The following ANKS1A variants were observed in gnomAD, a reference collection of about 807,000 sequenced individuals.
ANKS1A encodes ankyrin repeat and sterile alpha motif domain containing 1A, also known as ankyrin repeat and SAM domain-containing protein 1A.
Under a neutral mutation model 120.3 loss-of-function variants are expected in ANKS1A, and 55 were observed. The ratio of observed to expected loss-of-function variants is 0.46; its 90% CI spans 0.37 to 0.57. The LOEUF is 0.57. Ranked by LOEUF, ANKS1A falls within the 20% of genes least tolerant of loss-of-function variation. ANKS1A has a pLI of 0.00. For synonymous variants in ANKS1A, 590 were observed against 604.7 expected (o/e 0.98, Z 0.36); for missense variants, 1,123 against 1,480.3 (o/e 0.76, Z 3.96).
At chr6:35,026,196 T>C (rs1774616412) in intron 11 of ANKS1A, among the ~76,000 whole-genome samples, 1 of 152,224 alleles carries the variant, frequency 6.6e-6, no homozygotes, top group African/African-American at 2.4e-5. Context: ...AAAGTATCAG[T>C]AGGATACAGA....
intron 11 of ANKS1A, among the ~76,000 whole-genome samples, chr6:35,026,362 G>A (rs1044883461): frequency 6.6e-6 from 1 of 152,234 alleles, no homozygotes; most frequent in Admixed American, 6.5e-5. Flanking sequence ...AATTTGTTGA[G>A]CACCTGCTCT....
chr6:35,091,116 TG>T lies in ANKS1A; in HGVS notation c.*2509del. ...AGTATTGTTGCTCATGGTGTGGCAA[TG>T]GACTGAACTGTAATGAAAATGTTAT... is the stretch of plus-strand genomic sequence containing the variant. On this transcript the variant is annotated 3_prime_UTR_variant, in exon 24 of 24. Transcript: ENST00000360359. 1 of 985,926 alleles carries T rather than the reference TG, an allele frequency of 1.0e-6. No homozygotes were observed. Among genetic ancestry groups the T allele is most frequent in the African/African-American group, 1.7e-5 (1 of 57,380 alleles). The allele number at this position is 985,926 out of a possible 1,614,324, so 61.1% of individuals were successfully genotyped here.
At chr6:35,087,623 G>A (rs1021231121) in intron 23 of ANKS1A, among the ~76,000 whole-genome samples, 31 of 152,340 alleles carry the variant, frequency 2.0e-4, no homozygotes, top group South Asian at 1.7e-3. Context: ...ACTGTCCTCC[G>A]CTACTCCGAG....
chr6:34,991,223 A>T (rs1009863980), intron 9 of ANKS1A, among the ~76,000 whole-genome samples: 6 of 152,144 alleles, frequency 3.9e-5, no homozygotes, highest in African/African-American at 1.4e-4. Flanking sequence ...TAGCTCTAGG[A>T]GTGCTTATCA....
rs142745210 is a variant in ANKS1A, at chr6:34,919,223, C to G, written c.197+29624C>G. On this transcript the variant is annotated intron_variant, in intron 1 of 23. Transcript: ENST00000360359. ...TTGGTAAACCACAATGTTTGTAGTTCAAAAAGCTGGAAAACAGTTCCTTGT... is the reference window on the plus strand; with the variant it reads ...TTGGTAAACCACAATGTTTGTAGTTGAAAAAGCTGGAAAACAGTTCCTTGT... Among the ~76,000 whole-genome samples, 55 of 152,272 alleles carry G rather than the reference C, an allele frequency of 3.6e-4. No individual in the cohort carries two copies. In the East Asian group the frequency reaches 0.01, roughly 29 times the overall value.
intron 3 of ANKS1A, 144 bp from the exon 4 acceptor site, chr6:34,981,546 T>C (rs2127526362): frequency 1.2e-6 from 1 of 836,580 alleles, no homozygotes; most frequent in East Asian, 2.7e-5. Context: ...TGGGGGAGTA[T>C]GTCTGGATTC....
At chr6:34,965,831 C>CT (rs1770867665) in intron 1 of ANKS1A, among the ~76,000 whole-genome samples, 1 of 151,732 alleles carries the variant, frequency 6.6e-6, no homozygotes, top group Admixed American at 6.6e-5. Context: ...CCTGCAATCT[C>CT]TGACTCCTGG....
chr6:35,038,913 G>A (rs955230768), intron 11 of ANKS1A, among the ~76,000 whole-genome samples: 10 of 152,166 alleles, frequency 6.6e-5, no homozygotes, highest in Admixed American at 2.6e-4. Context: ...ACAGGAAGTT[G>A]TAGAAATAGT....
At chr6:35,041,886 C>T (rs1221675410) in intron 11 of ANKS1A, among the ~76,000 whole-genome samples, 1 of 152,142 alleles carries the variant, frequency 6.6e-6, no homozygotes, top group African/African-American at 2.4e-5. Context: ...TTGAGGACAT[C>T]AAGTTGTGTT....
chr6:35,000,736 T>C lies in ANKS1A; in HGVS notation c.1423+6314T>C, dbSNP rs1029415143. Among the ~76,000 whole-genome samples, 9 of 152,262 alleles carry C rather than the reference T, an allele frequency of 5.9e-5. No homozygotes were observed. The East Asian group carries it at 1.7e-3, about 29-fold the overall frequency. ...CCTGAGTACTATTAAAGAAACAGTT[T>C]ATGTGCAAGGTGTATAAGGAAAGTA... On this transcript the variant is annotated intron_variant, in intron 10 of 23. Coordinates refer to ENST00000360359, the MANE Select transcript of ANKS1A (RefSeq NM_015245.3).
At position 34,976,856 on chromosome 6, in the gene ANKS1A, C is replaced by T. The variant is rs1243071453; in HGVS notation, c.436-4834C>T. ...TGATATTAAGTCATGGACATTATGA[C>T]CCTTTAATCCTAAACACTTCCATTT... is the stretch of plus-strand genomic sequence containing the variant. On this transcript the variant is annotated intron_variant, in intron 3 of 23. Transcript: ENST00000360359. 3.3e-5 allele frequency among the ~76,000 whole-genome samples: 5 copies of T among 152,076 alleles called. No individual in the cohort carries two copies. In the East Asian group the frequency reaches 9.6e-4, roughly 29 times the overall value.
chr6:35,081,206 TGG>T, intron 17 of ANKS1A, 48 bp downstream of exon 17: 1 of 1,546,822 alleles, frequency 6.5e-7, no homozygotes, highest in Non-Finnish European at 8.7e-7. Flanking sequence ...CTCATTCCTC[TGG>T]GTGGGACAGG....
At chr6:34,994,499 GA>G in intron 10 of ANKS1A, 77 bp downstream of exon 10, 2 of 1,559,100 alleles carry the variant, frequency 1.3e-6, no homozygotes, top group Non-Finnish European at 1.7e-6. Flanking sequence ...GGAAGGGGAA[GA>G]TGTCGTAACT....
intron 1 of ANKS1A, among the ~76,000 whole-genome samples, chr6:34,910,968 TTTTGTAAGGGATA>T (rs1482316931): frequency 6.6e-6 from 1 of 151,448 alleles, no homozygotes. Flanking sequence ...AGGACTGGAG[TTTTGTAAGGGATA>T]ACTGAAATGA....
chr6:34,928,350 A>G (rs1768818138), intron 1 of ANKS1A, among the ~76,000 whole-genome samples: 1 of 152,158 alleles, frequency 6.6e-6, no homozygotes, highest in Non-Finnish European at 1.5e-5. Flanking sequence ...CTTCATGCTC[A>G]GAATCACCCT....
At chr6:34,918,522 C>T (rs1768281034) in intron 1 of ANKS1A, among the ~76,000 whole-genome samples, 3 of 152,160 alleles carry the variant, frequency 2.0e-5, no homozygotes, top group Admixed American at 2.0e-4. Flanking sequence ...CAAATGGCTG[C>T]CACCAAGCTC....
intron 13 of ANKS1A, among the ~76,000 whole-genome samples, chr6:35,065,369 A>G (rs1202421980): frequency 2.0e-5 from 3 of 152,190 alleles, no homozygotes; most frequent in Non-Finnish European, 4.4e-5. Context: ...GCCTGTTTTC[A>G]TGCCTGCTAA....
chr6:34,970,672 A>T (rs1771138491), intron 3 of ANKS1A, among the ~76,000 whole-genome samples: 2 of 152,178 alleles, frequency 1.3e-5, no homozygotes. Context: ...AATTGCATGG[A>T]GTCAGTTTCA....
chr6:35,031,971 G>T (rs1774931325), intron 11 of ANKS1A, among the ~76,000 whole-genome samples: 1 of 152,106 alleles, frequency 6.6e-6, no homozygotes, highest in Admixed American at 6.5e-5. Flanking sequence ...AAATTCCACT[G>T]TTCATTAGAG....
Sources: gnomAD v4.1 joint callset for allele counts (sites outside exome capture counted in the v4.1 genomes callset) on GRCh38, gnomAD v4.1.1 for gene constraint, MANE v1.5 for transcripts, NCBI Gene and HGNC (gene_info 2026-07-23, HGNC 2026-07-21) for gene names.